Variants in COX7B2 observed in about 807,000 individuals in gnomAD.
COX7B2 encodes cytochrome c oxidase subunit 7B2, mitochondrial.
For missense variants in COX7B2, 109 were observed against 95.9 expected, an observed-to-expected ratio of 1.14 and a Z score of -0.57; for synonymous variants, 37 against 32.1, an observed-to-expected ratio of 1.15 and a Z score of -0.51.
chr4:46,766,463 G>A (rs938312144), intron 2 of COX7B2, among the ~76,000 whole-genome samples: 31 of 152,248 alleles, frequency 2.0e-4, no homozygotes, highest in African/African-American at 6.3e-4. Context: ...ACTTTGGGAA[G>A]CCAAGGCGGG....
intron 2 of COX7B2, among the ~76,000 whole-genome samples, chr4:46,837,310 C>T (rs1161032659): frequency 1.3e-5 from 2 of 149,356 alleles, no homozygotes; most frequent in East Asian, 3.9e-4. Flanking sequence ...CACACACACA[C>T]ACACAGAGGA....
At chr4:46,805,444 A>G (rs1385724357) in intron 2 of COX7B2, among the ~76,000 whole-genome samples, 2 of 152,266 alleles carry the variant, frequency 1.3e-5, no homozygotes, top group African/African-American at 2.4e-5. Context: ...TATAGATGGG[A>G]GAGTTCTCTT....
intron 1 of COX7B2, among the ~76,000 whole-genome samples, chr4:46,872,874 C>A (rs1171436556): frequency 6.6e-6 from 1 of 152,052 alleles, no homozygotes; most frequent in Non-Finnish European, 1.5e-5. Flanking sequence ...GCAGAACATG[C>A]AGTTTTGCTA....
chr4:46,878,191 A>G (rs1222463781), intron 1 of COX7B2, among the ~76,000 whole-genome samples: 1 of 152,152 alleles, frequency 6.6e-6, no homozygotes, highest in African/African-American at 2.4e-5. Flanking sequence ...GTTTTTTTAA[A>G]AAAAAATTGA....
At position 46,827,360 on chromosome 4, in the gene COX7B2, C is replaced by T. The variant is rs117064955; in HGVS notation, c.-50+17600G>A. Among the ~76,000 whole-genome samples, 29 of 151,914 alleles carry T rather than the reference C, an allele frequency of 1.9e-4. No homozygotes were observed. In the East Asian group the frequency reaches 3.5e-3, roughly 18 times the overall value. On this transcript the variant is annotated intron_variant, in intron 2 of 2. Transcript: ENST00000355591. ...TACAGATAGAGAATCTTGGAAGCAC[C>T]TAAAAACAAATGAAACTATGTAGAT...
chr4:46,757,169 G>A (rs1197691809), intron 2 of COX7B2, among the ~76,000 whole-genome samples: 1 of 151,990 alleles, frequency 6.6e-6, no homozygotes, highest in Admixed American at 6.6e-5. Flanking sequence ...CAACATGGAT[G>A]GAACTGGAGA....
chr4:46,903,158 T>TA (rs986524744), intron 1 of COX7B2, among the ~76,000 whole-genome samples: 3 of 152,138 alleles, frequency 2.0e-5, no homozygotes, highest in Non-Finnish European at 4.4e-5. Flanking sequence ...GAAATTCAAA[T>TA]AAAAAACCAT....
intron 1 of COX7B2, among the ~76,000 whole-genome samples, chr4:46,887,047 T>C (rs1719122485): frequency 6.6e-6 from 1 of 152,194 alleles, no homozygotes; most frequent in East Asian, 1.9e-4. Context: ...TTCTAACTAT[T>C]ATGTGTGCCT....
chr4:46,830,248 C>A (rs540342866), intron 2 of COX7B2, among the ~76,000 whole-genome samples: 1 of 148,966 alleles, frequency 6.7e-6, no homozygotes, highest in East Asian at 2.0e-4. Context: ...TGCTTGAACC[C>A]AGTATGTGGA....
chr4:46,801,134 C>G (rs552012078), intron 2 of COX7B2, among the ~76,000 whole-genome samples: 1 of 151,988 alleles, frequency 6.6e-6, no homozygotes, highest in South Asian at 2.1e-4. Flanking sequence ...TTATATATTC[C>G]TGGTGGGAAT....
chr4:46,809,331 G>A (rs905308724), intron 2 of COX7B2, among the ~76,000 whole-genome samples: 2 of 151,330 alleles, frequency 1.3e-5, no homozygotes, highest in African/African-American at 4.8e-5. Context: ...CTTCTAGTTT[G>A]TTCTTTTTCT....
intron 2 of COX7B2, among the ~76,000 whole-genome samples, chr4:46,830,352 AAG>A (rs1714989492): frequency 6.6e-6 from 1 of 151,700 alleles, no homozygotes; most frequent in African/African-American, 2.4e-5. Context: ...AAGAAAAAGA[AAG>A]AGAAAACGGA....
At chr4:46,872,651 T>C (rs1718065382) in intron 1 of COX7B2, among the ~76,000 whole-genome samples, 1 of 152,112 alleles carries the variant, frequency 6.6e-6, no homozygotes, top group Non-Finnish European at 1.5e-5. Flanking sequence ...AGCAGTTCTA[T>C]TGCATAGCAT....
At chr4:46,738,628 A>G (rs1036195692) in intron 2 of COX7B2, among the ~76,000 whole-genome samples, 2 of 152,110 alleles carry the variant, frequency 1.3e-5, no homozygotes, top group African/African-American at 4.8e-5. Context: ...TCTACAATAA[A>G]TTTTGTGTTA....
chr4:46,788,181 G>C (rs969230808), intron 2 of COX7B2, among the ~76,000 whole-genome samples: 2 of 152,094 alleles, frequency 1.3e-5, no homozygotes, highest in Non-Finnish European at 2.9e-5. Flanking sequence ...GCTCCATATT[G>C]CATGGTATAT....
chr4:46,748,670 TA>T (rs1715168698), intron 2 of COX7B2, among the ~76,000 whole-genome samples: 1 of 152,212 alleles, frequency 6.6e-6, no homozygotes, highest in African/African-American at 2.4e-5. Flanking sequence ...TTCACTGCAA[TA>T]ATACCAATTA....
At chr4:46,748,238 A>G (rs1715140926) in intron 2 of COX7B2, among the ~76,000 whole-genome samples, 1 of 152,180 alleles carries the variant, frequency 6.6e-6, no homozygotes, top group Admixed American at 6.5e-5. Context: ...AATTGTCACA[A>G]ATTATCTTAA....
chr4:46,750,335 A>G (rs1715292204), intron 2 of COX7B2, among the ~76,000 whole-genome samples: 1 of 152,120 alleles, frequency 6.6e-6, no homozygotes, highest in Non-Finnish European at 1.5e-5. Flanking sequence ...TGGAGGCTAC[A>G]GCGAGCTATG....
chr4:46,855,623 CA>C (rs936872198), intron 1 of COX7B2, among the ~76,000 whole-genome samples: 1 of 150,144 alleles, frequency 6.7e-6, no homozygotes, highest in Non-Finnish European at 1.5e-5. Context: ...TACAGATTGA[CA>C]AAAAAAACTA....
Sources: allele counts gnomAD v4.1 joint callset (sites outside exome capture counted in the v4.1 genomes callset), GRCh38; gene constraint gnomAD v4.1.1; transcripts MANE v1.5; gene names NCBI Gene and HGNC (gene_info 2026-07-23, HGNC 2026-07-21).